Variants in WDFY3 observed in about 807,000 individuals in gnomAD.
WDFY3 encodes WD repeat and FYVE domain containing 3.
In WDFY3, 66 loss-of-function variants were observed where a neutral mutation model predicts 409.6. The observed-to-expected ratio is 0.16, with a 90% CI of 0.13 to 0.20. WDFY3 has a LOEUF of 0.20. Among genes scored for constraint, WDFY3 ranks in the 10% least tolerant of loss-of-function variants. WDFY3 has a pLI of 1.00. For missense variants in WDFY3, 3,031 were observed against 4,298.1 expected (o/e 0.71, Z 8.24); for synonymous variants, 1,521 against 1,537.1 (o/e 0.99, Z 0.25).
At chr4:84,742,829 G>T (rs949812653) in intron 37 of WDFY3, among the ~76,000 whole-genome samples, 1 of 152,184 alleles carries the variant, frequency 6.6e-6, no homozygotes, top group Non-Finnish European at 1.5e-5. Flanking sequence ...GTGCCAAAAA[G>T]GTTGGGGACC....
intron 18 of WDFY3, among the ~76,000 whole-genome samples, chr4:84,797,623 C>T (rs1220709880): frequency 6.6e-6 from 1 of 151,678 alleles, no homozygotes; most frequent in Non-Finnish European, 1.5e-5. Context: ...CTCTGTCGCC[C>T]AGGCTGGAGT....
intron 49 of WDFY3, among the ~76,000 whole-genome samples, 187 bp from the exon 50 acceptor site, chr4:84,715,570 C>T (rs1242071185): frequency 9.9e-5 from 15 of 151,810 alleles, no homozygotes; most frequent in African/African-American, 1.7e-4. Context: ...GTCAGGAGAT[C>T]GAGACCATCC....
intron 1 of WDFY3, among the ~76,000 whole-genome samples, chr4:84,952,328 G>T (rs1049340520): frequency 6.6e-6 from 1 of 152,118 alleles, no homozygotes; most frequent in Non-Finnish European, 1.5e-5. Context: ...ATAAAAGAAT[G>T]TATGACACCA....
intron 32 of WDFY3, among the ~76,000 whole-genome samples, chr4:84,764,229 T>C (rs753622371): frequency 6.6e-6 from 1 of 152,196 alleles, no homozygotes; most frequent in Non-Finnish European, 1.5e-5. Flanking sequence ...ACCTTGCATA[T>C]TCAACAGAAC....
In WDFY3 at chr4:84,826,957, T is replaced by C. The variant is rs188196109; in HGVS notation, c.981A>G (p.Glu327=). 14 of 1,608,944 alleles carry C rather than the reference T, an allele frequency of 8.7e-6. No homozygotes were observed. In the East Asian group the frequency reaches 2.9e-4, roughly 34 times the overall value. The change falls in exon 10 of 68, where the codon GAA becomes GAG. Residue 327 remains glutamate (E), a synonymous_variant. Transcript: ENST00000295888. ...CCAGATCTTTCAAGGCATCTTTGGA[T>C]TCTGCCTCTTTTGCTTGTTCCAATC... ...LLRLEQAKEA[E]SKDALKDLVN...
intron 7 of WDFY3, among the ~76,000 whole-genome samples, chr4:84,833,578 C>T (rs1263809467): frequency 1.3e-5 from 2 of 151,822 alleles, no homozygotes; most frequent in African/African-American, 2.4e-5. Flanking sequence ...CACCTGAGCC[C>T]GGGAGGTCGA....
intron 32 of WDFY3, among the ~76,000 whole-genome samples, chr4:84,764,808 T>C (rs1306668470): frequency 6.8e-6 from 1 of 148,006 alleles, no homozygotes; most frequent in East Asian, 2.0e-4. Context: ...GAGCTTGCAG[T>C]GAGCCAAGAT....
At chr4:84,892,343 CATGT>C (rs1432278550) in intron 3 of WDFY3, among the ~76,000 whole-genome samples, 1 of 150,674 alleles carries the variant, frequency 6.6e-6, no homozygotes, top group African/African-American at 2.4e-5. Flanking sequence ...TGTGTGCGTG[CATGT>C]GTGTAAGAAT....
chr4:84,842,768 G>A (rs1472977396), intron 5 of WDFY3, among the ~76,000 whole-genome samples: 1 of 152,206 alleles, frequency 6.6e-6, no homozygotes, highest in Admixed American at 6.5e-5. Context: ...GCAACAGAGC[G>A]AGACTCCGTC....
At chr4:84,737,475 G>T in intron 40 of WDFY3, 109 bp from the exon 41 acceptor site, 2 of 1,244,220 alleles carry the variant, frequency 1.6e-6, no homozygotes, top group Non-Finnish European at 2.1e-6. Flanking sequence ...TTCGACTACA[G>T]TATTTAATGT....
In WDFY3 at chr4:84,753,781, A is replaced by G. The variant is rs1560669870; in HGVS notation, c.5655T>C (p.Leu1885=). ...FRYLYHNVPD[L]ASMWMSPDFL... is the part of the protein sequence containing the mutation. The stretch of plus-strand genomic sequence containing the variant: ...AGTCAGGGCTCATCCACATGGAGGC[A>G]AGGTCTGGCACGTTGTGATACAAAT... Residue 1885 remains leucine (L), a synonymous_variant, in exon 35 of 68, where the codon CTT becomes CTC. Transcript: ENST00000295888. The G allele has an allele frequency of 6.2e-7, 1 of 1,612,850 alleles. No homozygotes were observed. The highest frequency in any genetic ancestry group is 8.5e-7 in the Non-Finnish European group (1 of 1,179,488).
At chr4:84,917,287 A>G (rs931196512) in intron 2 of WDFY3, among the ~76,000 whole-genome samples, 25 of 152,304 alleles carry the variant, frequency 1.6e-4, no homozygotes, top group African/African-American at 5.5e-4. Context: ...AAAAGAAGCC[A>G]AGAGAGCCTC....
chr4:84,763,296 C>T (rs528553606), intron 32 of WDFY3, among the ~76,000 whole-genome samples: 3 of 151,962 alleles, frequency 2.0e-5, no homozygotes, highest in South Asian at 4.1e-4. Flanking sequence ...AACCAAACAC[C>T]GCATGTTCTC....
In WDFY3 at chr4:84,829,165, A is replaced by C. The variant is rs142307862; in HGVS notation, c.795T>G (p.Val265=). 2.9e-4 allele frequency: 466 copies of C among 1,606,718 alleles called. No individual in the cohort carries two copies. The highest frequency in any genetic ancestry group is 3.8e-4 in the Non-Finnish European group (451 of 1,175,828). Residue 265 remains valine, a synonymous_variant, in exon 9 of 68, where the codon GTT becomes GTG. Coordinates refer to ENST00000295888, the MANE Select transcript of WDFY3 (RefSeq NM_014991.6). ...GGTCATCTGATTGCTGCATATTCTG[A>C]ACACATGTAGATAAACACTCTTTCT... ...IHEKECLSTC[V]QNMQQSDDLS...
At chr4:84,774,234 C>G (rs901119055) in intron 29 of WDFY3, among the ~76,000 whole-genome samples, 2 of 152,118 alleles carry the variant, frequency 1.3e-5, no homozygotes, top group Non-Finnish European at 2.9e-5. Context: ...GTTTGTTTTT[C>G]TTGTTTTCCT....
At chr4:84,838,062 A>C (rs1013634075) in intron 6 of WDFY3, among the ~76,000 whole-genome samples, 1 of 152,220 alleles carries the variant, frequency 6.6e-6, no homozygotes, top group Non-Finnish European at 1.5e-5. Flanking sequence ...TAAGGAATTA[A>C]AATAAAAAGG....
rs557704019 is a variant in WDFY3, at chr4:84,926,106, C to T, written c.-132+6164G>A. Among the ~76,000 whole-genome samples the T allele has an allele frequency of 1.2e-4, 18 of 144,322 alleles. No homozygotes were observed. The East Asian group carries it at 3.3e-3, about 26-fold the overall frequency. 94.7% of individuals were successfully genotyped at this position (144,322 alleles called of 152,430 possible). A position where few individuals can be genotyped will look rare whatever the true frequency, so the allele number is the denominator to read the frequency against. On this transcript the variant is annotated intron_variant, in intron 2 of 67. Coordinates refer to ENST00000295888, the MANE Select transcript of WDFY3 (RefSeq NM_014991.6). ...TCGGCTCACTACAACCTCTGCCTCC[C>T]GGGTTCAAGCAATTCTTGAACCCGG...
chr4:84,768,830 T>C (rs150876463), intron 30 of WDFY3, among the ~76,000 whole-genome samples: 99 of 152,380 alleles, frequency 6.5e-4, no homozygotes, highest in African/African-American at 2.3e-3. Context: ...ATAGCTGCCA[T>C]AGATGGTGAT....
chr4:84,716,959 T>C lies in WDFY3; in HGVS notation c.7812A>G (p.Arg2604=). Residue 2604 remains arginine, a synonymous_variant, in exon 49 of 68, where the codon AGA becomes AGG. Coordinates refer to ENST00000295888, the MANE Select transcript of WDFY3 (RefSeq NM_014991.6). The stretch of plus-strand genomic sequence containing the variant: ...CTTCATATGCAAAAATGCTGCATGT[T>C]CTCTTGAGTTGACTAGGGCCTTGCC... The part of the protein sequence containing the change: ...GARQGPSQLK[R]TCSIFAYEDI... 1 of 1,609,298 alleles carries C rather than the reference T, an allele frequency of 6.2e-7. No individual in the cohort carries two copies. Among genetic ancestry groups the C allele is most frequent in the Non-Finnish European group, 8.5e-7 (1 of 1,177,438 alleles).
Sources: allele counts gnomAD v4.1 joint callset (sites outside exome capture counted in the v4.1 genomes callset), GRCh38; gene constraint gnomAD v4.1.1; transcripts MANE v1.5; gene names NCBI Gene and HGNC (gene_info 2026-07-23, HGNC 2026-07-21).